XCR1: variants seen among roughly 807,000 people sequenced by gnomAD.
XCR1 encodes X-C motif chemokine receptor 1, also known as chemokine XC receptor 1.
For missense variants in XCR1, 356 were observed against 424.2 expected (o/e 0.84, Z 1.41); for synonymous variants, 187 against 188.5 (o/e 0.99, Z 0.06).
chr3:46,058,301 G>A (rs1265189748), intron 4 of XCR1, among the ~76,000 whole-genome samples: 1 of 152,168 alleles, frequency 6.6e-6, no homozygotes, highest in Non-Finnish European at 1.5e-5. Context: ...AAAATAAGGT[G>A]TATAGTGAGA....
At chr3:46,023,506 A>G in intron 1 of XCR1, 5 of 1,568,980 alleles carry the variant, frequency 3.2e-6, no homozygotes, top group Non-Finnish European at 4.4e-6. Flanking sequence ...GCTCCTCCTC[A>G]TCCAAGAGAG....
chr3:46,029,170 A>G (rs1265251450), upstream of XCR1, among the ~76,000 whole-genome samples: 3 of 152,154 alleles, frequency 2.0e-5, no homozygotes, highest in East Asian at 5.8e-4. Flanking sequence ...AATGAAATAC[A>G]ATGGGGAAAG....
Position 46,020,768 on chromosome 3 carries a change from G to A in XCR1, c.*178C>T, listed in dbSNP as rs1708123244. On this transcript the variant is annotated 3_prime_UTR_variant, in exon 2 of 2. Transcript: ENST00000309285. ...TTCCCAGGTAGGAAGCCACTTTCCC[G>A]CAGATGAGAGGCTGGCGGGACCCAC... 1.4e-5 allele frequency: 12 copies of A among 864,430 alleles called. No individual in the cohort carries two copies. Among genetic ancestry groups the A allele is most frequent in the East Asian group, 5.5e-5 (2 of 36,682 alleles). The allele number at this position is 864,430 out of a possible 1,614,324, so 53.5% of individuals were successfully genotyped here. A position where few individuals can be genotyped will look rare whatever the true frequency, so the allele number is the denominator to read the frequency against.
intron 1 of XCR1, among the ~76,000 whole-genome samples, chr3:46,082,741 C>T (rs939080291): frequency 1.3e-5 from 2 of 152,070 alleles, no homozygotes; most frequent in Non-Finnish European, 1.5e-5. Flanking sequence ...TCTCCCACCT[C>T]GGCCTCTCAA....
chr3:46,074,468 G>A (rs915135733), intron 3 of XCR1, among the ~76,000 whole-genome samples: 8 of 152,092 alleles, frequency 5.3e-5, no homozygotes, highest in South Asian at 2.1e-4. Context: ...TCAGAAGAAC[G>A]GGAGGTAGTG....
chr3:46,064,106 C>A (rs1698016408), intron 4 of XCR1, among the ~76,000 whole-genome samples: 1 of 152,202 alleles, frequency 6.6e-6, no homozygotes, highest in South Asian at 2.1e-4. Context: ...CTCCTGGCCT[C>A]AAGTGATCCT....
intron 1 of XCR1, among the ~76,000 whole-genome samples, chr3:46,083,276 A>G (rs943785446): frequency 1.3e-5 from 2 of 152,210 alleles, no homozygotes; most frequent in Middle Eastern, 3.2e-3. Context: ...TAGTGTACTT[A>G]TCTGTGCTCC....
Position 46,048,704 on chromosome 3 carries a change from C to T in XCR1, c.-32+5216G>A, listed in dbSNP as rs111430639. On this transcript the variant is annotated intron_variant, in intron 5 of 5. Coordinates refer to the XCR1 transcript ENST00000683768. ...TCATTGTCCTTCTTCCAGGGATTTC[C>T]GTAACATTTTTGGATAAACTTTCCT... Among the ~76,000 whole-genome samples, 248 of 152,268 alleles carry T rather than the reference C, an allele frequency of 1.6e-3. 2 individuals carry two copies. Among genetic ancestry groups the T allele is most frequent in the Middle Eastern group, 6.8e-3 (2 of 294 alleles).
upstream of XCR1, among the ~76,000 whole-genome samples, chr3:46,032,026 T>C (rs1475234386): frequency 6.6e-6 from 1 of 152,210 alleles, no homozygotes; most frequent in Non-Finnish European, 1.5e-5. Context: ...CTCTGAGCTG[T>C]TCTATTGCTT....
At chr3:46,032,244 A>C (rs1708410204), upstream of XCR1, among the ~76,000 whole-genome samples, 1 of 152,244 alleles carries the variant, frequency 6.6e-6, no homozygotes, top group Admixed American at 6.5e-5. Context: ...GGTGCTCCCC[A>C]AGCTAGGACC....
At chr3:46,024,043 G>A (rs1575408897) in intron 1 of XCR1, 8 of 1,221,544 alleles carry the variant, frequency 6.5e-6, no homozygotes, top group African/African-American at 3.0e-5. Flanking sequence ...AGCAAATGCC[G>A]GGAAAGCCAA....
chr3:46,020,751 T>C lies in XCR1; in HGVS notation c.*195A>G. On this transcript the variant is annotated 3_prime_UTR_variant, in exon 2 of 2. Transcript: ENST00000309285. ...TGGATGGCAGTATAAAATTCCCAGGTAGGAAGCCACTTTCCCGCAGATGAG... is the reference window on the plus strand; with the variant it reads ...TGGATGGCAGTATAAAATTCCCAGGCAGGAAGCCACTTTCCCGCAGATGAG... The C allele has an allele frequency of 1.4e-6, 1 of 716,898 alleles. No individual in the cohort carries two copies. Among genetic ancestry groups the C allele is most frequent in the Non-Finnish European group, 2.2e-6 (1 of 455,500 alleles). 44.4% of individuals were successfully genotyped at this position (716,898 alleles called of 1,614,324 possible). A position where few individuals can be genotyped will look rare whatever the true frequency, so the allele number is the denominator to read the frequency against.
intron 5 of XCR1, among the ~76,000 whole-genome samples, chr3:46,040,848 T>G (rs193034080): frequency 6.6e-6 from 1 of 151,388 alleles, no homozygotes; most frequent in East Asian, 1.9e-4. Context: ...AGAGAGAAAA[T>G]TTGTAGGACA....
At chr3:46,024,249 G>T (rs554057102) in intron 1 of XCR1, 10 of 324,040 alleles carry the variant, frequency 3.1e-5, no homozygotes, top group Non-Finnish European at 5.0e-5. Context: ...GGAAAACCAC[G>T]TAGAAGGGGC....
chr3:46,070,377 G>A (rs9845542), intron 3 of XCR1, among the ~76,000 whole-genome samples: 40,283 of 151,820 alleles, frequency 0.27, 7,837 homozygotes, highest in African/African-American at 0.54. Context: ...GCTGTAGGTG[G>A]GATGCTGAAG....
In XCR1 at chr3:46,021,322, A is replaced by G. The variant is rs1559478669; in HGVS notation, c.626T>C (p.Leu209Pro). The G allele has an allele frequency of 6.2e-7, 1 of 1,614,158 alleles. No individual in the cohort carries two copies. The highest frequency in any genetic ancestry group is 8.5e-7 in the Non-Finnish European group (1 of 1,180,020). ...GGAGCGTGAGCGGAACAGGGTCCTG[A>G]GGATCTCCACGTAGCAGAACAGGAT... ...GIILFCYVEI[L>P]RTLFRSRSKR... Residue 209 changes from leucine to proline, a missense_variant, in exon 2 of 2, where the codon CTC (leucine) becomes CCC (proline). Leu to Pro is a moderately conservative substitution (Grantham distance 98, BLOSUM62 -3). Coordinates refer to ENST00000309285, the MANE Select transcript of XCR1 (RefSeq NM_001024644.2). This position sits in a 1 kb window ranked among gnomAD's most constrained non-coding sequence, Gnocchi z 4.7.
intron 4 of XCR1, among the ~76,000 whole-genome samples, chr3:46,057,790 A>T (rs1295933899): frequency 1.3e-5 from 2 of 152,072 alleles, no homozygotes; most frequent in Non-Finnish European, 2.9e-5. Flanking sequence ...TGCCCTGCAG[A>T]GTTTGGATTT....
At chr3:46,033,389 C>T (rs781361367) in intron 5 of XCR1, among the ~76,000 whole-genome samples, 1 of 152,176 alleles carries the variant, frequency 6.6e-6, no homozygotes, top group Non-Finnish European at 1.5e-5. Context: ...ATAGATTCCT[C>T]TTTTGCATGT....
At chr3:46,048,067 T>A (rs1010476439) in intron 5 of XCR1, among the ~76,000 whole-genome samples, 1 of 152,200 alleles carries the variant, frequency 6.6e-6, no homozygotes, top group African/African-American at 2.4e-5. Context: ...ATGTTTGAGC[T>A]TGAATTGTAA....
Sources: gnomAD v4.1 joint callset for allele counts (sites outside exome capture counted in the v4.1 genomes callset) on GRCh38, gnomAD v4.1.1 for gene constraint, Gnocchi (gnomAD v3.1) non-coding constraint, MANE v1.5 for transcripts, NCBI Gene and HGNC (gene_info 2026-07-23, HGNC 2026-07-21) for gene names.